Variants in TTLL6 observed in about 807,000 individuals in gnomAD.
TTLL6 encodes tubulin tyrosine ligase like 6.
Under a neutral mutation model 96.4 loss-of-function variants are expected in TTLL6, and 75 were observed. That is an observed-to-expected ratio of 0.78 (90% CI 0.65 to 0.94). The LOEUF (loss-of-function observed/expected upper bound fraction) is 0.94, where lower values mean the gene tolerates loss of function less well. TTLL6 is among the 40% of genes least tolerant of loss of function. TTLL6 has a pLI of 0.00. For synonymous variants in TTLL6, 411 were observed against 419.4 expected (o/e 0.98, Z 0.24); for missense variants, 1,030 against 1,093.0 (o/e 0.94, Z 0.81).
intron 2 of TTLL6, chr17:48,804,215 CT>C (rs1271364841): frequency 1.8e-6 from 1 of 565,118 alleles, no homozygotes; most frequent in Non-Finnish European, 3.3e-6. Context: ...TGCCTCAAGC[CT>C]TTTACTCCAC....
intron 15 of TTLL6, among the ~76,000 whole-genome samples, chr17:48,763,992 C>T (rs1347879793): frequency 6.6e-6 from 1 of 151,416 alleles, no homozygotes; most frequent in African/African-American, 2.4e-5. Flanking sequence ...GAAAGTTAGC[C>T]AGGCATGGTG....
chr17:48,774,108 A>AAAAAAAAAAAAAAAAAC (rs2038814796), intron 13 of TTLL6, among the ~76,000 whole-genome samples: 2 of 130,488 alleles, frequency 1.5e-5, no homozygotes, highest in African/African-American at 2.9e-5. Flanking sequence ...AAAAAAAAAA[A>AAAAAAAAAAAAAAAAAC]AAAACAAGAA....
At chr17:48,789,844 A>T in intron 10 of TTLL6, 87 bp downstream of exon 10, 4 of 1,428,800 alleles carry the variant, frequency 2.8e-6, no homozygotes, top group Non-Finnish European at 1.9e-6. Context: ...GGTGTGAGCC[A>T]CTGCACCCGG....
chr17:48,790,109 G>A lies in TTLL6; in HGVS notation c.1225-3C>T. 1 of 1,613,060 alleles carries A rather than the reference G, an allele frequency of 6.2e-7. No homozygotes were observed. The highest frequency in any genetic ancestry group is 8.5e-7 in the Non-Finnish European group (1 of 1,179,526). On this transcript the variant is annotated splice_region_variant and splice_polypyrimidine_tract_variant and intron_variant, in intron 9 of 15. Transcript: ENST00000393382. ...GAGAAGCTTGGAGAGTGGTTGACCT[G>A]TGAGGGCAAGATTGGCAGCTGGTGA... is the stretch of plus-strand genomic sequence containing the variant.
At chr17:48,782,232 A>G (rs2039001145) in intron 13 of TTLL6, among the ~76,000 whole-genome samples, 1 of 150,610 alleles carries the variant, frequency 6.6e-6, no homozygotes, top group Non-Finnish European at 1.5e-5. Context: ...CAGCTCCCCG[A>G]GTAGCTGGGA....
chr17:48,799,533 CA>C (rs990243562), intron 6 of TTLL6, 70 bp downstream of exon 6: 2 of 1,454,250 alleles, frequency 1.4e-6, no homozygotes, highest in Non-Finnish European at 1.9e-6. Flanking sequence ...CCTCATTTCA[CA>C]TTCTGTCCAG....
At chr17:48,803,488 A>AG (rs1567734457) in intron 3 of TTLL6, among the ~76,000 whole-genome samples, 1 of 151,510 alleles carries the variant, frequency 6.6e-6, no homozygotes, top group African/African-American at 2.4e-5. Context: ...CGTGTCAAAA[A>AG]AAAAAACAAA....
In TTLL6 at chr17:48,791,534, A is replaced by C; in HGVS notation, c.1068T>G (p.Ile356Met). ...TGAGGGTCTTGATGATGACGTCCTC[A>C]ATATCCCTCCATATCTGCTCCACGT... ...SYNVEQIWRD[I>M]EDVIIKTLIS... is the part of the protein sequence containing the mutation. The change falls in exon 9 of 16, where the codon ATT becomes ATG. Residue 356 changes from isoleucine to methionine, a missense_variant. Coordinates refer to ENST00000393382, the MANE Select transcript of TTLL6 (RefSeq NM_001130918.3). The C allele has an allele frequency of 6.2e-7, 1 of 1,614,164 alleles. No individual in the cohort carries two copies. The highest frequency in any genetic ancestry group is 1.1e-5 in the South Asian group (1 of 91,074).
chr17:48,815,674 C>G (rs1399007375), intron 1 of TTLL6: 2 of 152,162 alleles, frequency 1.3e-5, no homozygotes, highest in African/African-American at 4.8e-5. Context: ...GAATTTCAGC[C>G]CGGGGCCTGA....
In TTLL6 at chr17:48,799,756, CCCAGCTA is replaced by C. The variant is rs1174548069; in HGVS notation, c.612-3_615del. The C allele has an allele frequency of 9.0e-6, 14 of 1,551,412 alleles. No homozygotes were observed. The highest frequency in any genetic ancestry group is 1.4e-5 in the African/African-American group (1 of 73,026). ...GACCTGCTGTAGGTCTGCAAATCTC[CCCAGCTA>C]CCAGAGCAGGGAGGGAACAAGATAC... On this transcript the variant is annotated splice_acceptor_variant and splice_polypyrimidine_tract_variant and coding_sequence_variant and intron_variant, in exon 6 of 16. Transcript: ENST00000393382. LOFTEE classifies it high-confidence loss of function.
chr17:48,791,396 G>T lies in TTLL6; in HGVS notation c.1206C>A (p.Leu402=). 6.2e-7 allele frequency: 1 copy of T among 1,614,124 alleles called. No individual in the cohort carries two copies. Among genetic ancestry groups the T allele is most frequent in the Non-Finnish European group, 8.5e-7 (1 of 1,180,022 alleles). The change falls in exon 9 of 16, where the codon CTC becomes CTA. Residue 402 remains leucine, a synonymous_variant. Transcript: ENST00000393382. The part of the protein sequence containing the change: ...LGFDILLDHK[L]KPWLLEVNHS... The stretch of plus-strand genomic sequence containing the variant: ...TCCCTACCTCCAGCAGCCAGGGTTT[G>T]AGTTTGTGGTCCAACAAAATGTCAA...
chr17:48,788,402 C>T (rs764922444), intron 10 of TTLL6, among the ~76,000 whole-genome samples: 4 of 152,168 alleles, frequency 2.6e-5, no homozygotes, highest in Non-Finnish European at 4.4e-5. Context: ...CCTTGATGAC[C>T]GTTTACGAGC....
intron 8 of TTLL6, among the ~76,000 whole-genome samples, chr17:48,791,873 G>A (rs2039232032): frequency 6.6e-6 from 1 of 152,172 alleles, no homozygotes; most frequent in Non-Finnish European, 1.5e-5. Context: ...CTTTCACTGT[G>A]ACCCAGAAAA....
chr17:48,770,156 TA>T, intron 13 of TTLL6, 59 bp from the exon 14 acceptor site: 1 of 1,515,420 alleles, frequency 6.6e-7, no homozygotes, highest in Non-Finnish European at 8.8e-7. Context: ...CTTCCTATGC[TA>T]TTTTTTTTTT....
At chr17:48,806,855 A>C in intron 1 of TTLL6, among the ~76,000 whole-genome samples, 1 of 151,612 alleles carries the variant, frequency 6.6e-6, no homozygotes, top group East Asian at 2.0e-4. Context: ...ACATGGCAAA[A>C]CCCCATATCT....
intron 1 of TTLL6, among the ~76,000 whole-genome samples, chr17:48,816,364 A>G (rs1445232907): frequency 6.6e-6 from 1 of 151,942 alleles, no homozygotes; most frequent in Non-Finnish European, 1.5e-5. Flanking sequence ...TGCCTCGCAC[A>G]TACTGGTGCT....
intron 13 of TTLL6, among the ~76,000 whole-genome samples, chr17:48,778,843 T>C (rs1355505935): frequency 6.7e-6 from 1 of 149,838 alleles, no homozygotes; most frequent in Non-Finnish European, 1.5e-5. Context: ...GGCAGGAGAA[T>C]CGCTTGAACC....
chr17:48,772,604 G>A (rs187831248), intron 13 of TTLL6, among the ~76,000 whole-genome samples: 13 of 151,704 alleles, frequency 8.6e-5, no homozygotes, highest in Admixed American at 3.9e-4. Context: ...GGTGGCACGC[G>A]CCTGTAGTCC....
chr17:48,769,208 A>G lies in TTLL6; in HGVS notation c.2457T>C (p.Ser819=), dbSNP rs750817570. The G allele has an allele frequency of 1.1e-5, 17 of 1,613,144 alleles. No individual in the cohort carries two copies. The highest frequency in any genetic ancestry group is 1.4e-5 in the Non-Finnish European group (17 of 1,179,274). The stretch of plus-strand genomic sequence containing the variant: ...ACACATCCAGCTGCCTCTTCTCGCC[A>G]GAGCTGTCACTGCGGGAGTGGCACT... The part of the protein sequence containing the change: ...PGECHSRSDS[S]GEKRQLDVSS... The change falls in exon 15 of 16, where the codon TCT becomes TCC. Residue 819 remains serine (S), a synonymous_variant. Transcript: ENST00000393382.
Sources: gnomAD v4.1 joint callset for allele counts (sites outside exome capture counted in the v4.1 genomes callset) on GRCh38, gnomAD v4.1.1 for gene constraint, MANE v1.5 for transcripts, NCBI Gene and HGNC (gene_info 2026-07-23, HGNC 2026-07-21) for gene names.